The following COL22A1 variants were observed in gnomAD, a reference collection of about 807,000 sequenced individuals.
COL22A1 encodes collagen type XXII alpha 1 chain.
In COL22A1, 221 loss-of-function variants were observed where a neutral mutation model predicts 248.9. That is an observed-to-expected ratio of 0.89 (90% CI 0.80 to 0.99). The LOEUF (loss-of-function observed/expected upper bound fraction) is 0.99. Ranked by LOEUF, COL22A1 falls within the 50% of genes least tolerant of loss-of-function variation. The pLI, the probability that COL22A1 is intolerant of heterozygous loss-of-function variation, is 0.00. For missense variants in COL22A1, 2,240 were observed against 2,179.0 expected (o/e 1.03, Z -0.56); for synonymous variants, 891 against 793.4 (o/e 1.12, Z -2.07).
intron 35 of COL22A1, among the ~76,000 whole-genome samples, chr8:138,692,861 G>A (rs1357554650): frequency 3.3e-5 from 5 of 152,106 alleles, no homozygotes; most frequent in African/African-American, 1.2e-4. Context: ...CATCCACACT[G>A]GTCACTACCT....
chr8:138,899,247 T>C (rs1814360588), intron 1 of COL22A1, among the ~76,000 whole-genome samples: 1 of 152,182 alleles, frequency 6.6e-6, no homozygotes. Context: ...GCCCAAACCA[T>C]GCCCTGCCAC....
intron 30 of COL22A1, among the ~76,000 whole-genome samples, chr8:138,709,661 T>C (rs1828784973): frequency 1.4e-5 from 2 of 144,746 alleles, no homozygotes; most frequent in African/African-American, 2.5e-5. Context: ...GGGGAAGTGA[T>C]AGCATTAGGA....
Position 138,690,815 on chromosome 8 carries a change from A to G in COL22A1, c.2808+6T>C, listed in dbSNP as rs372285338. 6.2e-6 allele frequency: 10 copies of G among 1,607,650 alleles called. No homozygotes were observed. Among genetic ancestry groups the G allele is most frequent in the Non-Finnish European group, 8.5e-6 (10 of 1,177,112 alleles). ...GCCGTGCGTATGCCCTCTCCCAATT[A>G]CTCACCACACTTCCTGGAGGGCCAC... On this transcript the variant is annotated splice_donor_region_variant and intron_variant, in intron 36 of 64. Coordinates refer to ENST00000303045, the MANE Select transcript of COL22A1 (RefSeq NM_152888.3).
chr8:138,730,889 G>C (rs1830661309), intron 23 of COL22A1, among the ~76,000 whole-genome samples: 1 of 151,994 alleles, frequency 6.6e-6, no homozygotes, highest in South Asian at 2.1e-4. Flanking sequence ...AGATGGGAGG[G>C]GGAGGGGAGG....
chr8:138,737,564 T>C lies in COL22A1; in HGVS notation c.2099A>G (p.Asp700Gly), dbSNP rs755197460. 8 of 1,610,264 alleles carry C rather than the reference T, an allele frequency of 5.0e-6. 1 individual carries two copies. Among genetic ancestry groups the C allele is most frequent in the South Asian group, 1.1e-5 (1 of 90,994 alleles). Residue 700 changes from aspartate to glycine, a missense_variant, in exon 23 of 65, where the codon GAC becomes GGC. By Grantham distance (94) the Asp-to-Gly change is moderately conservative. Coordinates refer to ENST00000303045, the MANE Select transcript of COL22A1 (RefSeq NM_152888.3). ...GLQGLRGKKG[D>G]MGPPGIPGLL... ...TCCAGGGATTCCAGGTGGTCCCATG[T>C]CACCTTTCTTCCCCTGAGTGTAAAA...
At chr8:138,822,387 C>T (rs1376846183) in intron 6 of COL22A1, among the ~76,000 whole-genome samples, 1 of 152,144 alleles carries the variant, frequency 6.6e-6, no homozygotes, top group Non-Finnish European at 1.5e-5. Context: ...ATTATGTTCT[C>T]ATCCATGTAC....
chr8:138,900,120 G>C (rs955905124), intron 1 of COL22A1, among the ~76,000 whole-genome samples: 3 of 152,202 alleles, frequency 2.0e-5, no homozygotes, highest in Non-Finnish European at 4.4e-5. Context: ...ACATGCCAAA[G>C]ACTATACCGC....
chr8:138,793,820 C>T (rs1816267984), intron 12 of COL22A1, among the ~76,000 whole-genome samples: 1 of 152,190 alleles, frequency 6.6e-6, no homozygotes, highest in Admixed American at 6.5e-5. Flanking sequence ...TGTCCTGCAG[C>T]CCACAGGGAG....
At chr8:138,842,958 T>TA (rs1279151398) in intron 4 of COL22A1, among the ~76,000 whole-genome samples, 3 of 152,102 alleles carry the variant, frequency 2.0e-5, no homozygotes, top group Non-Finnish European at 4.4e-5. Flanking sequence ...AAGCAGCTGA[T>TA]AGAGTATGGC....
At chr8:138,658,825 T>C (rs1564154978) in intron 44 of COL22A1, among the ~76,000 whole-genome samples, 2 of 151,810 alleles carry the variant, frequency 1.3e-5, no homozygotes, top group East Asian at 1.9e-4. Context: ...TGGGCCATAC[T>C]TGGGACCATT....
intron 55 of COL22A1, among the ~76,000 whole-genome samples, chr8:138,614,279 T>C (rs1819134639): frequency 6.6e-6 from 1 of 152,146 alleles, no homozygotes; most frequent in African/African-American, 2.4e-5. Context: ...CCTGGAACCA[T>C]TCATGTCTGA....
intron 23 of COL22A1, among the ~76,000 whole-genome samples, chr8:138,727,156 T>C (rs1259799501): frequency 6.6e-6 from 1 of 152,124 alleles, no homozygotes; most frequent in Admixed American, 6.5e-5. Flanking sequence ...GTAGTGCTCT[T>C]CCAAGCGAGT....
chr8:138,898,277 C>A (rs754835157), intron 1 of COL22A1, among the ~76,000 whole-genome samples: 1 of 152,162 alleles, frequency 6.6e-6, no homozygotes, highest in Non-Finnish European at 1.5e-5. Context: ...GCTCCTTGCA[C>A]CATCCCAGTA....
chr8:138,685,988 T>C (rs1826318279), intron 37 of COL22A1, among the ~76,000 whole-genome samples: 1 of 152,110 alleles, frequency 6.6e-6, no homozygotes, highest in Non-Finnish European at 1.5e-5. Flanking sequence ...CTTGAACTCC[T>C]CTGGGAGCGG....
chr8:138,805,349 A>C (rs531155165), intron 10 of COL22A1, among the ~76,000 whole-genome samples: 61 of 101,724 alleles, frequency 6.0e-4, no homozygotes, highest in Non-Finnish European at 7.0e-4. Context: ...GATGGTGTGG[A>C]TGTGTGATGG....
At chr8:138,685,498 C>A (rs1415750630) in intron 37 of COL22A1, among the ~76,000 whole-genome samples, 186 bp from the exon 38 acceptor site, 5 of 152,138 alleles carry the variant, frequency 3.3e-5, no homozygotes, top group Non-Finnish European at 1.5e-5. Flanking sequence ...TTGTGTTCCC[C>A]AAAATTCGTG....
In COL22A1 at chr8:138,839,365, C is replaced by G. The variant is rs575667083; in HGVS notation, c.733+4719G>C. On this transcript the variant is annotated intron_variant, in intron 4 of 64. Transcript: ENST00000303045. Reference sequence around the variant, plus strand: ...GCCGGTCAGGCTGGGCTTTTGTCGGCTCCATCGGCGAGTTTGGGTTTCTTT... The same window carrying G: ...GCCGGTCAGGCTGGGCTTTTGTCGGGTCCATCGGCGAGTTTGGGTTTCTTT... Among the ~76,000 whole-genome samples the G allele has an allele frequency of 2.6e-5, 4 of 152,208 alleles. No individual in the cohort carries two copies. The East Asian group carries it at 7.8e-4, about 30-fold the overall frequency.
chr8:138,589,285 C>G lies in COL22A1; in HGVS notation c.4849G>C (p.Ala1617Pro), dbSNP rs779325657. The G allele has an allele frequency of 4.3e-6, 7 of 1,613,714 alleles. No homozygotes were observed. In the South Asian group the frequency reaches 7.7e-5, roughly 18 times the overall value. Reference protein sequence around the residue: ...PSQCAYFASLAARPGNVKGP With the variant: ...PSQCAYFASLPARPGNVKGP ...CCCTTCACATTACCCGGCCGGGCAG[C>G]AAGGCTGGCGAAGTAGGCACACTGG... The change falls in exon 65 of 65, where the codon GCT becomes CCT. Residue 1617 changes from alanine to proline, a missense_variant. Coordinates refer to ENST00000303045, the MANE Select transcript of COL22A1 (RefSeq NM_152888.3).
At chr8:138,658,260 G>A (rs1478878476) in intron 44 of COL22A1, among the ~76,000 whole-genome samples, 2 of 152,184 alleles carry the variant, frequency 1.3e-5, no homozygotes, top group Non-Finnish European at 2.9e-5. Flanking sequence ...GAAATGTCCA[G>A]GCTGCTGCCT....
Sources: gnomAD v4.1 joint callset for allele counts (sites outside exome capture counted in the v4.1 genomes callset) on GRCh38, gnomAD v4.1.1 for gene constraint, MANE v1.5 for transcripts, NCBI Gene and HGNC (gene_info 2026-07-23, HGNC 2026-07-21) for gene names.